The following MRPS28 variants were observed in gnomAD, a reference collection of about 807,000 sequenced individuals.
MRPS28 encodes the protein small ribosomal subunit protein bS1m.
MRPS28 carries 7 observed loss-of-function variants against 10.8 expected under a neutral mutation model. The ratio of observed to expected loss-of-function variants is 0.65; its 90% CI spans 0.37 to 1.22. MRPS28 has a LOEUF of 1.22. Among genes scored for constraint, MRPS28 ranks in the 50% most tolerant of loss-of-function variants. The pLI, the probability that MRPS28 is intolerant of heterozygous loss-of-function variation, is 0.02. For missense variants in MRPS28, 265 were observed against 232.9 expected (o/e 1.14, Z -0.90); for synonymous variants, 121 against 93.3 (o/e 1.30, Z -1.71).
rs79539510 is a variant in MRPS28 at position 80,021,968 on chromosome 8, G to A, written c.213+8068C>T. On this transcript the variant is annotated intron_variant, in intron 1 of 2. Coordinates refer to ENST00000276585, the MANE Select transcript of MRPS28 (RefSeq NM_014018.3). ...TATTCAGATTTCACCAGTTATACAC[G>A]TAATCATCAATGCAATTTTATTACA... 6.0e-3 allele frequency among the ~76,000 whole-genome samples: 912 copies of A among 152,200 alleles called. 7 individuals are homozygous for A. The highest frequency in any genetic ancestry group is 0.021 in the African/African-American group (867 of 41,514).
At chr8:79,975,684 T>C (rs1807778371) in intron 2 of MRPS28, among the ~76,000 whole-genome samples, 1 of 152,086 alleles carries the variant, frequency 6.6e-6, no homozygotes, top group African/African-American at 2.4e-5. Flanking sequence ...AATAATGTAA[T>C]AACTTTTGCT....
intron 2 of MRPS28, among the ~76,000 whole-genome samples, chr8:79,946,513 T>G (rs1318686048): frequency 6.6e-6 from 1 of 152,106 alleles, no homozygotes; most frequent in Non-Finnish European, 1.5e-5. Context: ...TTAGACCTAG[T>G]TATTAAAAAC....
chr8:80,025,220 T>C (rs900861851), intron 1 of MRPS28, among the ~76,000 whole-genome samples: 2 of 152,224 alleles, frequency 1.3e-5, no homozygotes, highest in Admixed American at 6.5e-5. Context: ...GCAGTTATGA[T>C]AAAAATCAAA....
intron 2 of MRPS28, among the ~76,000 whole-genome samples, chr8:79,992,153 A>G (rs1808384320): frequency 6.6e-6 from 1 of 152,192 alleles, no homozygotes; most frequent in African/African-American, 2.4e-5. Flanking sequence ...GCCCTGGCTA[A>G]TATCTTGACT....
At chr8:79,951,537 T>A (rs1807080332) in intron 2 of MRPS28, among the ~76,000 whole-genome samples, 1 of 152,132 alleles carries the variant, frequency 6.6e-6, no homozygotes, top group African/African-American at 2.4e-5. Context: ...GGCCCTGAGT[T>A]TTCATTTTGC....
chr8:80,021,054 G>C (rs1040417967), intron 1 of MRPS28, among the ~76,000 whole-genome samples: 1 of 150,660 alleles, frequency 6.6e-6, no homozygotes, highest in African/African-American at 2.5e-5. Flanking sequence ...CTAGGCTGGA[G>C]TGCAGTGGCA....
chr8:79,937,008 C>T (rs1470915926), intron 2 of MRPS28, among the ~76,000 whole-genome samples: 1 of 152,034 alleles, frequency 6.6e-6, no homozygotes, highest in Non-Finnish European at 1.5e-5. Flanking sequence ...TTACAGGCAC[C>T]TGCCACCACG....
intron 1 of MRPS28, among the ~76,000 whole-genome samples, chr8:80,003,878 C>T (rs1808743015): frequency 6.6e-6 from 1 of 152,222 alleles, no homozygotes; most frequent in Non-Finnish European, 1.5e-5. Flanking sequence ...CCCACGGAGC[C>T]TCGCTCATTG....
chr8:79,944,943 C>T (rs1046427387), intron 2 of MRPS28, among the ~76,000 whole-genome samples: 3 of 152,050 alleles, frequency 2.0e-5, no homozygotes, highest in African/African-American at 7.2e-5. Flanking sequence ...AATCTGTCCA[C>T]CTCCGCCTCC....
In MRPS28 at chr8:79,996,003, TTTA is replaced by T. The variant is rs546912707; in HGVS notation, c.395+6993_395+6995del. On this transcript the variant is annotated intron_variant, in intron 2 of 2. Coordinates refer to ENST00000276585, the MANE Select transcript of MRPS28 (RefSeq NM_014018.3). ...TTATGCAGCAATAATTCTGTATATT[TTTA>T]TTATGATACAATATAGAAATTAATG... Among the ~76,000 whole-genome samples the T allele has an allele frequency of 2.0e-5, 3 of 152,304 alleles. No individual in the cohort carries two copies. The South Asian group carries it at 6.2e-4, about 32-fold the overall frequency.
chr8:80,024,210 C>A (rs1335524206), intron 1 of MRPS28, among the ~76,000 whole-genome samples: 2 of 148,644 alleles, frequency 1.3e-5, no homozygotes, highest in Non-Finnish European at 3.0e-5. Flanking sequence ...GCCTCAGCAA[C>A]AGAGCAAGAC....
intron 2 of MRPS28, among the ~76,000 whole-genome samples, chr8:79,929,900 A>C (rs1344984398): frequency 6.6e-6 from 1 of 152,186 alleles, no homozygotes; most frequent in South Asian, 2.1e-4. Flanking sequence ...CTCCGACACC[A>C]GAAAGCATGA....
At position 79,970,900 on chromosome 8, in the gene MRPS28, T is replaced by C. The variant is rs114274866; in HGVS notation, c.395+32099A>G. Among the ~76,000 whole-genome samples the C allele has an allele frequency of 7.4e-3, 1,125 of 152,348 alleles. 12 individuals carry two copies. Among genetic ancestry groups the C allele is most frequent in the African/African-American group, 0.026 (1,061 of 41,582 alleles). ...TTTATAAAGAAATAACTAAAGCTAT[T>C]TGACAGTAGACTCAGTGGCACCACA... is the stretch of plus-strand genomic sequence containing the variant. On this transcript the variant is annotated intron_variant, in intron 2 of 2. Coordinates refer to ENST00000276585, the MANE Select transcript of MRPS28 (RefSeq NM_014018.3).
intron 2 of MRPS28, among the ~76,000 whole-genome samples, chr8:79,927,315 T>C (rs548786761): frequency 7.9e-5 from 12 of 152,212 alleles, no homozygotes; most frequent in East Asian, 1.9e-4. Flanking sequence ...ACTTGCTCCA[T>C]ACACAAGAGT....
intron 1 of MRPS28, chr8:80,029,665 C>G (rs1046839433): frequency 1.6e-6 from 2 of 1,219,946 alleles, no homozygotes; most frequent in Non-Finnish European, 1.1e-6. Context: ...AGAACAAGAC[C>G]CAGCAGAGCC....
rs559907844 is a variant in MRPS28, at chr8:79,973,890, T to C, written c.395+29109A>G. On this transcript the variant is annotated intron_variant, in intron 2 of 2. Transcript: ENST00000276585. Reference sequence around the variant, plus strand: ...AGTGAAGAATCTAAGCAGATACAAGTAGGTCGTGCATAGAAATCTAAACCT... The same window carrying C: ...AGTGAAGAATCTAAGCAGATACAAGCAGGTCGTGCATAGAAATCTAAACCT... Among the ~76,000 whole-genome samples, 6 of 151,354 alleles carry C rather than the reference T, an allele frequency of 4.0e-5. No homozygotes were observed. In the East Asian group the frequency reaches 1.2e-3, roughly 29 times the overall value.
intron 2 of MRPS28, among the ~76,000 whole-genome samples, chr8:79,950,891 A>ATT (rs1287505003): frequency 1.3e-5 from 2 of 151,996 alleles, no homozygotes; most frequent in Non-Finnish European, 2.9e-5. Flanking sequence ...AAAGCACTGT[A>ATT]TTTTCTCTGG....
At chr8:79,990,941 A>C (rs992910588) in intron 2 of MRPS28, among the ~76,000 whole-genome samples, 1 of 151,826 alleles carries the variant, frequency 6.6e-6, no homozygotes, top group Admixed American at 6.6e-5. Flanking sequence ...CAGTGAGCCA[A>C]GATCATGCCA....
chr8:79,919,095 G>GT lies in MRPS28; in HGVS notation c.448dup (p.Thr150AsnfsTer3). The GT allele has an allele frequency of 6.2e-7, 1 of 1,609,522 alleles. No homozygotes were observed. The highest frequency in any genetic ancestry group is 1.1e-5 in the South Asian group (1 of 90,142). On this transcript the variant is annotated frameshift_variant, in exon 3 of 3. Transcript: ENST00000276585. LOFTEE classifies it high-confidence loss of function. ...TGTTGTTGCTCCCAGGAACCTAGAC[G>GT]TAAGTTCAAGATCTAATAGCCGCAA...
Sources: gnomAD v4.1 joint callset for allele counts (sites outside exome capture counted in the v4.1 genomes callset) on GRCh38, gnomAD v4.1.1 for gene constraint, MANE v1.5 for transcripts, NCBI Gene and HGNC (gene_info 2026-07-23, HGNC 2026-07-21) for gene names.